LRP1B: variants seen among roughly 807,000 people sequenced by gnomAD.
LRP1B encodes low-density lipoprotein receptor-related protein 1B.
In LRP1B, 217 loss-of-function variants were observed where a neutral mutation model predicts 556.6. That is an observed-to-expected ratio of 0.39 (90% CI 0.35 to 0.44). The LOEUF is 0.44. Among genes scored for constraint, LRP1B ranks in the 20% least tolerant of loss-of-function variants. LRP1B has a pLI of 1.00. For missense variants in LRP1B, 5,053 were observed against 5,620.8 expected (o/e 0.90, Z 3.23); for synonymous variants, 2,047 against 1,865.8 (o/e 1.10, Z -2.50).
chr2:140,418,751 A>G (rs944445334), intron 66 of LRP1B, among the ~76,000 whole-genome samples: 4 of 152,030 alleles, frequency 2.6e-5, no homozygotes, highest in African/African-American at 9.7e-5. Flanking sequence ...TATTTACTTC[A>G]TTATATATTA....
chr2:141,990,699 T>G (rs1702319506), intron 1 of LRP1B, among the ~76,000 whole-genome samples: 1 of 152,076 alleles, frequency 6.6e-6, no homozygotes, highest in African/African-American at 2.4e-5. Context: ...AGCCATGATT[T>G]TTAATGCATA....
chr2:140,592,134 A>T lies in LRP1B; in HGVS notation c.7194+6497T>A, dbSNP rs1682252896. 5.9e-5 allele frequency among the ~76,000 whole-genome samples: 9 copies of T among 152,306 alleles called. No homozygotes were observed. In the South Asian group the frequency reaches 1.9e-3, roughly 32 times the overall value. On this transcript the variant is annotated intron_variant, in intron 43 of 90. Transcript: ENST00000389484. ...TTTCTATATATCTCCTTTATATTAT[A>T]GTTCAGGTACTAAATAGAACTTGGA...
intron 3 of LRP1B, among the ~76,000 whole-genome samples, chr2:141,480,194 T>TG (rs1682868068): frequency 6.6e-6 from 1 of 150,444 alleles, no homozygotes; most frequent in African/African-American, 2.5e-5. Flanking sequence ...TGTGTGTGTG[T>TG]TGTCTAATGG....
intron 3 of LRP1B, among the ~76,000 whole-genome samples, chr2:141,432,229 T>C (rs1046737939): frequency 1.3e-5 from 2 of 152,132 alleles, no homozygotes; most frequent in African/African-American, 4.8e-5. Flanking sequence ...TTTTACCCTT[T>C]ATTCTATTAA....
intron 3 of LRP1B, among the ~76,000 whole-genome samples, chr2:141,276,782 G>A (rs1394791463): frequency 2.0e-5 from 3 of 150,766 alleles, no homozygotes; most frequent in African/African-American, 4.9e-5. Flanking sequence ...TCAGCCTCCC[G>A]AGTAGCTGGG....
intron 2 of LRP1B, among the ~76,000 whole-genome samples, chr2:141,753,262 C>CAATATATATATATATATATATATA (rs70994451): frequency 5.5e-5 from 2 of 36,234 alleles, no homozygotes; most frequent in African/African-American, 1.1e-4. Flanking sequence ...CTCTCTCTCT[C>CAATATATATATATATATATATATA]CATATATATA....
intron 35 of LRP1B, among the ~76,000 whole-genome samples, chr2:140,748,611 ATATATATATATATATTCG>A (rs1188276603): frequency 5.2e-5 from 6 of 114,980 alleles, no homozygotes; most frequent in African/African-American, 2.1e-4. Context: ...ATATATATAT[ATATATATATATATATTCG>A]TATATATATT....
In LRP1B at chr2:140,274,490, T is replaced by A. The variant is rs2104952114; in HGVS notation, c.13076A>T (p.Asp4359Val). 6.2e-7 allele frequency: 1 copy of A among 1,612,786 alleles called. No individual in the cohort carries two copies. The highest frequency in any genetic ancestry group is 1.1e-5 in the South Asian group (1 of 91,064). Residue 4359 changes from aspartate (D) to valine (V), a missense_variant, in exon 85 of 91, where the codon GAC becomes GTC. Asp to Val is a radical substitution (Grantham distance 152). Coordinates refer to ENST00000389484, the MANE Select transcript of LRP1B (RefSeq NM_018557.3). ...TRYEGPKCEVDKCVRCHGGHC... is the reference protein window; with the variant it reads ...TRYEGPKCEVVKCVRCHGGHC... The stretch of plus-strand genomic sequence containing the variant: ...CCCCCCATGGCACCTTACACACTTG[T>A]CAACCTCACATTTTGGTCCTTCATA...
At chr2:141,457,774 G>A (rs1681688441) in intron 3 of LRP1B, among the ~76,000 whole-genome samples, 1 of 152,102 alleles carries the variant, frequency 6.6e-6, no homozygotes, top group Non-Finnish European at 1.5e-5. Context: ...GGAGAGGAGG[G>A]CATAGAAAGA....
At chr2:141,323,965 TA>T (rs1687341373) in intron 3 of LRP1B, among the ~76,000 whole-genome samples, 3 of 48,526 alleles carry the variant, frequency 6.2e-5, no homozygotes, top group Non-Finnish European at 1.2e-4. Context: ...CACACACACA[TA>T]CATGTACTCA....
chr2:142,010,517 T>C (rs536962926), intron 1 of LRP1B, among the ~76,000 whole-genome samples: 1 of 129,198 alleles, frequency 7.7e-6, no homozygotes, highest in South Asian at 2.6e-4. Context: ...ATCACGCTAC[T>C]GCACTCCAGG....
At chr2:141,115,252 A>C (rs1700858583) in intron 7 of LRP1B, among the ~76,000 whole-genome samples, 1 of 152,022 alleles carries the variant, frequency 6.6e-6, no homozygotes, top group Middle Eastern at 3.2e-3. Context: ...TCATCATTCC[A>C]GACTGTTCTT....
Position 140,238,160 on chromosome 2 carries a change from G to T in LRP1B, c.13552C>A (p.Pro4518Thr), listed in dbSNP as rs1281046561. The part of the protein sequence containing the change: ...GLLDPGFMID[P>T]TKARYIGGGP... ...ATCTTAAGACATACTACCTTTGTTG[G>T]GTCTATCATAAAGCCAGGATCTAAA... Residue 4518 changes from proline to threonine, a missense_variant, in exon 89 of 91, where the codon CCA becomes ACA. Pro to Thr is a conservative substitution (Grantham distance 38, BLOSUM62 -1). Transcript: ENST00000389484. The T allele has an allele frequency of 6.2e-7, 1 of 1,600,120 alleles. No homozygotes were observed. Among genetic ancestry groups the T allele is most frequent in the Non-Finnish European group, 8.5e-7 (1 of 1,171,948 alleles).
intron 3 of LRP1B, among the ~76,000 whole-genome samples, chr2:141,479,402 T>TCTGGTGAC (rs1465409874): frequency 6.6e-6 from 1 of 152,168 alleles, no homozygotes; most frequent in Non-Finnish European, 1.5e-5. Flanking sequence ...AACTGGAATT[T>TCTGGTGAC]CTGGTGACCT....
intron 84 of LRP1B, among the ~76,000 whole-genome samples, chr2:140,276,224 T>G (rs189663119): frequency 6.6e-6 from 1 of 152,110 alleles, no homozygotes; most frequent in African/African-American, 2.4e-5. Context: ...CTCATGTTTA[T>G]GTTTATCTAG....
rs1198872420 is a variant in LRP1B, at chr2:140,296,648, A to G, written c.12967+1160T>C. Among the ~76,000 whole-genome samples, 3 of 152,238 alleles carry G rather than the reference A, an allele frequency of 2.0e-5. No homozygotes were observed. The East Asian group carries it at 5.8e-4, about 29-fold the overall frequency. ...TGAAAAATTTAAATATAGATACCCCAACACAGGCTAGAGGAATGAAAATCT... is the reference window on the plus strand; with the variant it reads ...TGAAAAATTTAAATATAGATACCCCGACACAGGCTAGAGGAATGAAAATCT... On this transcript the variant is annotated intron_variant, in intron 84 of 90. Coordinates refer to ENST00000389484, the MANE Select transcript of LRP1B (RefSeq NM_018557.3).
chr2:140,390,320 A>G (rs866385497), intron 66 of LRP1B, among the ~76,000 whole-genome samples: 24 of 152,220 alleles, frequency 1.6e-4, no homozygotes, highest in African/African-American at 4.8e-4. Flanking sequence ...CATATGGTCA[A>G]TTGAGTTTCA....
chr2:141,544,396 C>CCTCCTCCTCCTCCTCCTT (rs1289468895), intron 2 of LRP1B, among the ~76,000 whole-genome samples: 3 of 51,888 alleles, frequency 5.8e-5, no homozygotes, highest in Non-Finnish European at 1.2e-4. Context: ...TCCTCCTCCT[C>CCTCCTCCTCCTCCTCCTT]CTCCTCCTCC....
intron 10 of LRP1B, among the ~76,000 whole-genome samples, chr2:141,050,377 T>G (rs1180206816): frequency 6.6e-6 from 1 of 152,004 alleles, no homozygotes; most frequent in Non-Finnish European, 1.5e-5. Context: ...ATGCAGAGTG[T>G]GCAGGTTTGT....
Sources: allele counts gnomAD v4.1 joint callset (sites outside exome capture counted in the v4.1 genomes callset), GRCh38; gene constraint gnomAD v4.1.1; transcripts MANE v1.5; gene names NCBI Gene and HGNC (gene_info 2026-07-23, HGNC 2026-07-21).